The following CUL1 variants were observed in gnomAD, a reference collection of about 807,000 sequenced individuals.
CUL1 encodes cullin-1.
Under a neutral mutation model 118.0 loss-of-function variants are expected in CUL1, and 24 were observed. That is an observed-to-expected ratio of 0.20 (90% CI 0.15 to 0.29). The LOEUF (loss-of-function observed/expected upper bound fraction) is 0.29. Ranked by LOEUF, CUL1 falls within the 10% of genes least tolerant of loss-of-function variation. The probability of loss-of-function intolerance (pLI) is 1.00; values close to 1 mark genes in which losing one functional copy is unlikely to be tolerated. For missense variants in CUL1, 361 were observed against 933.8 expected (o/e 0.39, Z 7.99); for synonymous variants, 332 against 340.4 (o/e 0.98, Z 0.27).
intron 4 of CUL1, among the ~76,000 whole-genome samples, chr7:148,757,727 C>T (rs1465461401): frequency 6.6e-6 from 1 of 152,170 alleles, no homozygotes; most frequent in Non-Finnish European, 1.5e-5. Flanking sequence ...ATTTATAAAG[C>T]AAAGGAAGTG....
chr7:148,730,136 G>A lies in CUL1; in HGVS notation c.14G>A (p.Arg5Gln), dbSNP rs748809924. Reference protein sequence around the residue: MSSTRSQNPHGLKQI... With the variant: MSSTQSQNPHGLKQI... ...ACATCCCTCACAATGTCGTCAACCC[G>A]GAGCCAGAACCCCCACGGCCTGAAG... Residue 5 changes from arginine to glutamine, a missense_variant, in exon 2 of 22, where the codon CGG becomes CAG. Arg to Gln is a conservative substitution (Grantham distance 43). Around this residue, in one of 7 missense-constraint regions of CUL1, gnomAD observed 22 missense variants for 20.6 expected, o/e 1.07. Coordinates refer to ENST00000325222, the MANE Select transcript of CUL1 (RefSeq NM_003592.3). 12 of 1,613,458 alleles carry A rather than the reference G, an allele frequency of 7.4e-6. No homozygotes were observed. Among genetic ancestry groups the A allele is most frequent in the Non-Finnish European group, 1.0e-5 (12 of 1,179,888 alleles).
intron 1 of CUL1, among the ~76,000 whole-genome samples, chr7:148,723,674 A>G (rs1387774390): frequency 1.3e-5 from 2 of 151,276 alleles, no homozygotes; most frequent in Non-Finnish European, 2.9e-5. Context: ...AAAAAAAAAA[A>G]GAGGTATATT....
intron 9 of CUL1, among the ~76,000 whole-genome samples, chr7:148,768,051 G>C (rs186385593): frequency 6.6e-6 from 1 of 152,086 alleles, no homozygotes; most frequent in East Asian, 1.9e-4. Context: ...GAAACAAAAG[G>C]CTCCTGGAAG....
intron 9 of CUL1, among the ~76,000 whole-genome samples, chr7:148,775,753 C>T (rs1296168887): frequency 1.3e-5 from 2 of 152,092 alleles, no homozygotes; most frequent in African/African-American, 2.4e-5. Context: ...CTGTTTCCCT[C>T]CCCTGAGAAA....
chr7:148,770,355 T>C (rs3807446), intron 9 of CUL1, among the ~76,000 whole-genome samples: 8,237 of 152,282 alleles, frequency 0.054, 304 homozygotes, highest in Admixed American at 0.1. Flanking sequence ...TAAACCCACG[T>C]TGCATCTGCC....
chr7:148,721,805 G>A (rs1170633564), intron 1 of CUL1, among the ~76,000 whole-genome samples: 2 of 151,896 alleles, frequency 1.3e-5, no homozygotes, highest in East Asian at 1.9e-4. Flanking sequence ...GTGGTCTGTT[G>A]TGTGACTGTC....
chr7:148,735,383 C>T (rs1798905954), intron 2 of CUL1, among the ~76,000 whole-genome samples: 1 of 152,238 alleles, frequency 6.6e-6, no homozygotes, highest in South Asian at 2.1e-4. Context: ...CGCCACCACT[C>T]TTTTCAGGTC....
At chr7:148,709,106 T>C (rs1387325831) in intron 1 of CUL1, among the ~76,000 whole-genome samples, 2 of 152,178 alleles carry the variant, frequency 1.3e-5, no homozygotes, top group Non-Finnish European at 2.9e-5. Context: ...ATAGGAAAAG[T>C]GATTCTAAAA....
rs367653503 is a variant in CUL1 at position 148,786,617 on chromosome 7, A to C, written c.1347+18A>C. ...ATCAAGTGGTAAGTGCTTCATGAGC[A>C]TACCCATTTCCAGTAGCTGTGTATT... On this transcript the variant is annotated intron_variant, in intron 12 of 21. Transcript: ENST00000325222. The C allele has an allele frequency of 2.2e-5, 36 of 1,607,358 alleles. No individual in the cohort carries two copies. In the African/African-American group the frequency reaches 4.7e-4, roughly 21 times the overall value.
chr7:148,720,594 A>G (rs921701381), intron 1 of CUL1, among the ~76,000 whole-genome samples: 11 of 152,152 alleles, frequency 7.2e-5, no homozygotes, highest in African/African-American at 2.7e-4. Context: ...ATATTTGGGC[A>G]GTTAGTAGAG....
At chr7:148,763,843 A>T (rs1388678805) in intron 7 of CUL1, among the ~76,000 whole-genome samples, 1 of 152,222 alleles carries the variant, frequency 6.6e-6, no homozygotes, top group Non-Finnish European at 1.5e-5. Flanking sequence ...CTATGAGATA[A>T]AACATGACCC....
chr7:148,764,216 A>G (rs941974950), intron 7 of CUL1, among the ~76,000 whole-genome samples: 8 of 152,186 alleles, frequency 5.3e-5, no homozygotes, highest in Non-Finnish European at 1.2e-4. Flanking sequence ...ACCATCTTTA[A>G]TTGCATACTT....
At chr7:148,755,246 C>T (rs541871402) in intron 3 of CUL1, among the ~76,000 whole-genome samples, 1 of 152,288 alleles carries the variant, frequency 6.6e-6, no homozygotes, top group East Asian at 1.9e-4. Context: ...GGCAGTGTGA[C>T]TCCTTGTATC....
At chr7:148,747,882 G>A (rs1043008750) in intron 2 of CUL1, among the ~76,000 whole-genome samples, 1 of 152,176 alleles carries the variant, frequency 6.6e-6, no homozygotes, top group African/African-American at 2.4e-5. Context: ...GAAGATCATT[G>A]AAGACTTTCA....
At chr7:148,769,919 G>A (rs1274160621) in intron 9 of CUL1, among the ~76,000 whole-genome samples, 5 of 152,132 alleles carry the variant, frequency 3.3e-5, no homozygotes, top group Non-Finnish European at 1.5e-5. Context: ...CAGTTTTATA[G>A]GAAAGATGGG....
At chr7:148,738,689 T>C (rs914857001) in intron 2 of CUL1, among the ~76,000 whole-genome samples, 2 of 152,234 alleles carry the variant, frequency 1.3e-5, no homozygotes, top group African/African-American at 4.8e-5. Context: ...ATCTATTGTC[T>C]GCTGAATGAA....
rs566206831 is a variant in CUL1 at position 148,742,711 on chromosome 7, C to T, written c.141-11265C>T. 5.4e-5 allele frequency among the ~76,000 whole-genome samples: 8 copies of T among 147,110 alleles called. No homozygotes were observed. The South Asian group carries it at 1.8e-3, about 34-fold the overall frequency. On this transcript the variant is annotated intron_variant, in intron 2 of 21. Transcript: ENST00000325222. ...CTGCCTCCCGGGTTCAAGCGATTCTCCTGCCTCAGCCTCCTGAGTAGCTGG... is the reference window on the plus strand; with the variant it reads ...CTGCCTCCCGGGTTCAAGCGATTCTTCTGCCTCAGCCTCCTGAGTAGCTGG...
intron 2 of CUL1, among the ~76,000 whole-genome samples, chr7:148,736,961 T>C (rs1382696748): frequency 6.6e-6 from 1 of 152,228 alleles, no homozygotes; most frequent in Non-Finnish European, 1.5e-5. Context: ...TATATGAGTT[T>C]TTAAAAATTG....
At chr7:148,737,126 T>A (rs1223521785) in intron 2 of CUL1, among the ~76,000 whole-genome samples, 7 of 152,214 alleles carry the variant, frequency 4.6e-5, no homozygotes, top group Non-Finnish European at 1.0e-4. Flanking sequence ...GATTGAGAAA[T>A]TGTATATCTG....
Sources: gnomAD v4.1 joint callset for allele counts (sites outside exome capture counted in the v4.1 genomes callset) on GRCh38, gnomAD v4.1.1 for gene constraint, gnomAD v4.1.1 regional missense constraint, MANE v1.5 for transcripts, NCBI Gene and HGNC (gene_info 2026-07-23, HGNC 2026-07-21) for gene names.